SLC2A5: variants seen among roughly 807,000 people sequenced by gnomAD.
SLC2A5 encodes the protein solute carrier family 2 member 5.
In SLC2A5, 56 loss-of-function variants were observed where a neutral mutation model predicts 50.3. The observed-to-expected ratio is 1.11, with a 90% CI of 0.90 to 1.39. SLC2A5 has a LOEUF of 1.39. Among genes scored for constraint, SLC2A5 ranks in the 40% most tolerant of loss-of-function variants. The probability of loss-of-function intolerance (pLI) is 0.00; values close to 1 mark genes in which losing one functional copy is unlikely to be tolerated. For missense variants in SLC2A5, 566 were observed against 650.1 expected, an observed-to-expected ratio of 0.87 and a Z score of 1.41; for synonymous variants, 269 against 281.9, an observed-to-expected ratio of 0.95 and a Z score of 0.46.
intron 1 of SLC2A5, among the ~76,000 whole-genome samples, chr1:9,087,450 C>T (rs765370120): frequency 3.9e-5 from 6 of 151,984 alleles, no homozygotes; most frequent in African/African-American, 4.8e-5. Context: ...GTGATCTTCC[C>T]GCCTCAGCCT....
chr1:9,088,676 A>G (rs1442410863), upstream of SLC2A5, among the ~76,000 whole-genome samples: 1 of 152,132 alleles, frequency 6.6e-6, no homozygotes, highest in African/African-American at 2.4e-5. Flanking sequence ...CCAGCTACTC[A>G]GGAGGCTGAG....
At position 9,039,560 on chromosome 1, in the gene SLC2A5, A is replaced by T. The variant is rs988691082; in HGVS notation, c.988T>A (p.Phe330Ile). 66 of 1,570,932 alleles carry T rather than the reference A, an allele frequency of 4.2e-5. 1 individual carries two copies. The highest frequency in any genetic ancestry group is 4.7e-5 in the Non-Finnish European group (54 of 1,159,008). ...GCTCCCAGGACACTCACGGCGCAGA[A>T]GGTCATGACCACGTTCACGGCCCCG... ...GTGAVNVVMT[F>I]CAVFVVELLG... Residue 330 changes from phenylalanine (F) to isoleucine (I), a missense_variant, in exon 8 of 12, where the codon TTC becomes ATC. Physicochemically the swap from Phe to Ile is conservative, Grantham distance 21. Transcript: ENST00000377424.
intron 1 of SLC2A5, among the ~76,000 whole-genome samples, chr1:9,060,632 CACAT>C (rs1364421575): frequency 7.4e-6 from 1 of 134,756 alleles, no homozygotes; most frequent in Non-Finnish European, 1.6e-5. Context: ...CACACATACA[CACAT>C]ACAGCCCACA....
intron 2 of SLC2A5, among the ~76,000 whole-genome samples, chr1:9,080,149 C>A: frequency 6.6e-6 from 1 of 152,332 alleles, no homozygotes; most frequent in Middle Eastern, 3.4e-3. Flanking sequence ...TTGCCTTGCT[C>A]TCTGAGGCTG....
intron 3 of SLC2A5, among the ~76,000 whole-genome samples, chr1:9,050,560 A>G (rs954623532): frequency 6.6e-6 from 1 of 152,190 alleles, no homozygotes; most frequent in African/African-American, 2.4e-5. Flanking sequence ...TTTCCCAAAT[A>G]TTAATTCACA....
At chr1:9,078,493 G>A (rs975756131) in intron 2 of SLC2A5, among the ~76,000 whole-genome samples, 2 of 152,192 alleles carry the variant, frequency 1.3e-5, no homozygotes, top group Non-Finnish European at 2.9e-5. Context: ...ATTGGGTACA[G>A]TGTACAGCGC....
At chr1:9,077,412 G>GC (rs1642297723) in intron 2 of SLC2A5, among the ~76,000 whole-genome samples, 1 of 125,954 alleles carries the variant, frequency 7.9e-6, no homozygotes, top group African/African-American at 3.2e-5. Flanking sequence ...AAAAAAAAAA[G>GC]CAAAAAAAAA....
upstream of SLC2A5, among the ~76,000 whole-genome samples, chr1:9,070,312 C>T (rs1378305884): frequency 6.6e-6 from 1 of 152,004 alleles, no homozygotes; most frequent in Non-Finnish European, 1.5e-5. Flanking sequence ...AACTCCTGAC[C>T]TCAAGTGATC....
intron 3 of SLC2A5, among the ~76,000 whole-genome samples, chr1:9,053,304 ATTTATATATTG>A (rs1390370091): frequency 1.7e-5 from 1 of 58,960 alleles, no homozygotes; most frequent in Non-Finnish European, 2.8e-5. Flanking sequence ...TATATTATAT[ATTTATATATTG>A]TATTTATATA....
chr1:9,074,101 T>TA (rs1421649447), upstream of SLC2A5, among the ~76,000 whole-genome samples: 2 of 145,256 alleles, frequency 1.4e-5, no homozygotes, highest in African/African-American at 5.0e-5. Context: ...AAAAAAAAAA[T>TA]ACGTCAGTAG....
At chr1:9,082,990 G>A (rs1557686225) in intron 2 of SLC2A5, 1 of 168,454 alleles carries the variant, frequency 5.9e-6, no homozygotes, top group African/African-American at 2.4e-5. Context: ...AATAGATGAA[G>A]TTATTCATTA....
At chr1:9,044,509 AG>A (rs1220489278) in intron 4 of SLC2A5, among the ~76,000 whole-genome samples, 1 of 152,046 alleles carries the variant, frequency 6.6e-6, no homozygotes, top group Non-Finnish European at 1.5e-5. Context: ...TTTTAGAGTG[AG>A]CAATGTGGTT....
chr1:9,057,604 A>G lies in SLC2A5; in HGVS notation c.137T>C (p.Met46Thr). ...VAAVNSPALLMQQFYNETYYG... is the reference protein window; with the variant it reads ...VAAVNSPALLTQQFYNETYYG... ...GTAAGTCTCATTGTAAAATTGTTGC[A>G]TGAGCTAGGAGACAAAGCAAAACAG... is the stretch of plus-strand genomic sequence containing the variant. Residue 46 changes from methionine (M) to threonine (T), a missense_variant, in exon 3 of 12, where the codon ATG becomes ACG. Physicochemically the swap from Met to Thr is moderately conservative, Grantham distance 81 (BLOSUM62 -1). Coordinates refer to ENST00000377424, the MANE Select transcript of SLC2A5 (RefSeq NM_003039.3). 2 of 1,612,098 alleles carry G rather than the reference A, an allele frequency of 1.2e-6. No individual in the cohort carries two copies. Among genetic ancestry groups the G allele is most frequent in the Non-Finnish European group, 1.7e-6 (2 of 1,179,384 alleles).
At chr1:9,088,207 G>C (rs1642422915) in intron 1 of SLC2A5, among the ~76,000 whole-genome samples, 1 of 150,722 alleles carries the variant, frequency 6.6e-6, no homozygotes, top group African/African-American at 2.5e-5. Flanking sequence ...CCTTCCTCTG[G>C]AACCCCTCCT....
chr1:9,060,473 C>T (rs1477889280), intron 1 of SLC2A5, among the ~76,000 whole-genome samples: 1 of 147,702 alleles, frequency 6.8e-6, no homozygotes, highest in African/African-American at 2.5e-5. Context: ...CCCACACATA[C>T]ACACCCATAC....
At chr1:9,038,301 C>G in intron 10 of SLC2A5, 130 bp downstream of exon 10, 1 of 744,960 alleles carries the variant, frequency 1.3e-6, no homozygotes, top group Non-Finnish European at 2.4e-6. Flanking sequence ...CACCCCCTTG[C>G]GGTGGACGGG....
At chr1:9,081,261 GA>G (rs869191087) in intron 2 of SLC2A5, among the ~76,000 whole-genome samples, 1,653 of 25,530 alleles carry the variant, frequency 0.065, 34 homozygotes, top group African/African-American at 0.17. Flanking sequence ...CCTTGTTTCA[GA>G]AAAAAAAAAA....
At chr1:9,072,151 G>A (rs1383787700), upstream of SLC2A5, 2 of 152,390 alleles carry the variant, frequency 1.3e-5, no homozygotes, top group African/African-American at 4.8e-5. Context: ...CCAGCCTCCA[G>A]GCCCCTGCCT....
At chr1:9,066,262 T>C (rs985230658) in intron 1 of SLC2A5, among the ~76,000 whole-genome samples, 1 of 152,030 alleles carries the variant, frequency 6.6e-6, no homozygotes, top group Admixed American at 6.6e-5. Context: ...AGAATCTCAC[T>C]CTGGCTGGAG....
Sources: gnomAD v4.1 joint callset for allele counts (sites outside exome capture counted in the v4.1 genomes callset) on GRCh38, gnomAD v4.1.1 for gene constraint, MANE v1.5 for transcripts, NCBI Gene and HGNC (gene_info 2026-07-23, HGNC 2026-07-21) for gene names.